The following ADAM22 variants were observed in gnomAD, a reference collection of about 807,000 sequenced individuals.
ADAM22 encodes the protein ADAM metallopeptidase domain 22.
In ADAM22, 65 loss-of-function variants were observed where a neutral mutation model predicts 144.6. That is an observed-to-expected ratio of 0.45 (90% CI 0.37 to 0.55). ADAM22 has a LOEUF of 0.55. Ranked by LOEUF, ADAM22 falls within the 20% of genes least tolerant of loss-of-function variation. ADAM22 has a pLI of 0.00. For missense variants in ADAM22, 974 were observed against 1,184.9 expected, an observed-to-expected ratio of 0.82 and a Z score of 2.61; for synonymous variants, 391 against 412.6, an observed-to-expected ratio of 0.95 and a Z score of 0.63.
intron 5 of ADAM22, among the ~76,000 whole-genome samples, chr7:88,111,418 A>G (rs779478561): frequency 2.6e-5 from 4 of 152,218 alleles, no homozygotes; most frequent in Non-Finnish European, 4.4e-5. Flanking sequence ...TAATATAAAT[A>G]AGGGAAAATC....
At chr7:87,985,332 AT>A (rs1788216267) in intron 3 of ADAM22, among the ~76,000 whole-genome samples, 1 of 151,886 alleles carries the variant, frequency 6.6e-6, no homozygotes, top group Non-Finnish European at 1.5e-5. Flanking sequence ...AAAAGAATTT[AT>A]TTTATATTTC....
At chr7:87,975,531 A>C (rs1851709366) in intron 2 of ADAM22, among the ~76,000 whole-genome samples, 1 of 152,218 alleles carries the variant, frequency 6.6e-6, no homozygotes, top group African/African-American at 2.4e-5. Flanking sequence ...ATTCTTACTA[A>C]GCAGTAGTTA....
chr7:88,145,774 C>A (rs1836220111), intron 17 of ADAM22, among the ~76,000 whole-genome samples: 1 of 152,120 alleles, frequency 6.6e-6, no homozygotes. Flanking sequence ...GAACTAGGGC[C>A]TGAACCCTGT....
At chr7:87,994,231 A>C (rs1790562053) in intron 3 of ADAM22, among the ~76,000 whole-genome samples, 1 of 148,898 alleles carries the variant, frequency 6.7e-6, no homozygotes, top group African/African-American at 2.5e-5. Flanking sequence ...GTGTGATCTC[A>C]GCTCACTGCA....
intron 3 of ADAM22, among the ~76,000 whole-genome samples, chr7:88,022,492 G>T (rs896740572): frequency 6.6e-6 from 1 of 152,064 alleles, no homozygotes; most frequent in African/African-American, 2.4e-5. Flanking sequence ...TGTTTCAATT[G>T]GATTTTACCA....
chr7:87,937,083 G>T (rs534837153), intron 2 of ADAM22, among the ~76,000 whole-genome samples: 1 of 152,230 alleles, frequency 6.6e-6, no homozygotes, highest in East Asian at 1.9e-4. Context: ...AGCTTCCTGA[G>T]TAGCTTGGAT....
At chr7:88,014,665 A>C (rs899406067) in intron 3 of ADAM22, among the ~76,000 whole-genome samples, 1 of 152,156 alleles carries the variant, frequency 6.6e-6, no homozygotes, top group African/African-American at 2.4e-5. Context: ...TAAAAAAGAA[A>C]AAAAAGTTAT....
rs1194403382 is a variant in ADAM22 at position 87,978,342 on chromosome 7, C to T, written c.253C>T (p.His85Tyr). The change falls in exon 3 of 32, where the codon CAT (histidine) becomes TAT (tyrosine). Residue 85 changes from histidine (H) to tyrosine (Y), a missense_variant. Around this residue, in one of 2 missense-constraint regions of ADAM22, gnomAD observed 240 missense variants for 234.3 expected, o/e 1.02. Transcript: ENST00000413139. ...RGDLGGPQLT[H>Y]VDQASFQVDA... The stretch of plus-strand genomic sequence containing the variant: ...TTTCTTTTTGATATTGTAGTTGACT[C>T]ATGTTGACCAAGCAAGCTTCCAGGT... 1 of 1,612,740 alleles carries T rather than the reference C, an allele frequency of 6.2e-7. No individual in the cohort carries two copies. Among genetic ancestry groups the T allele is most frequent in the Non-Finnish European group, 8.5e-7 (1 of 1,179,332 alleles).
chr7:87,958,666 G>A (rs145479015), intron 2 of ADAM22, among the ~76,000 whole-genome samples: 1 of 152,128 alleles, frequency 6.6e-6, no homozygotes, highest in Non-Finnish European at 1.5e-5. Flanking sequence ...TTACAGGGGT[G>A]AACCACCGTG....
At chr7:88,016,190 T>C (rs1278251013) in intron 3 of ADAM22, among the ~76,000 whole-genome samples, 1 of 152,210 alleles carries the variant, frequency 6.6e-6, no homozygotes, top group African/African-American at 2.4e-5. Flanking sequence ...TTCATGCAAA[T>C]TGAAGTTTGA....
chr7:88,088,296 C>T (rs4728731), intron 4 of ADAM22, among the ~76,000 whole-genome samples: 56,944 of 151,974 alleles, frequency 0.37, 11,874 homozygotes, highest in East Asian at 0.62. Context: ...TCACATCTGT[C>T]TTCCCTCCCT....
intron 29 of ADAM22, 197 bp from the exon 30 acceptor site, chr7:88,186,418 A>G (rs1020520972): frequency 1.1e-4 from 64 of 587,206 alleles, no homozygotes; most frequent in Middle Eastern, 5.3e-4. Context: ...GAATGCCTTG[A>G]TTGAGCCTTG....
chr7:88,130,329 T>C lies in ADAM22; in HGVS notation c.754-59T>C, dbSNP rs1486149192. 4.5e-6 allele frequency: 6 copies of C among 1,321,982 alleles called. No individual in the cohort carries two copies. The African/African-American group carries it at 7.4e-5, about 16-fold the overall frequency. The allele number at this position is 1,321,982 out of a possible 1,614,324, so 81.9% of individuals were successfully genotyped here. The stretch of plus-strand genomic sequence containing the variant: ...TTCAATTGCACCATGTTTTCTCTGA[T>C]GAGATGATTGTTTTCTGATCACTTT... On this transcript the variant is annotated intron_variant, in intron 9 of 31. Transcript: ENST00000413139.
At chr7:88,190,773 C>T (rs779520735) in intron 30 of ADAM22, among the ~76,000 whole-genome samples, 93 of 152,018 alleles carry the variant, frequency 6.1e-4, no homozygotes, top group Non-Finnish European at 1.1e-3. Flanking sequence ...AGTGTTTTAC[C>T]GTACCGTGTT....
At chr7:87,934,653 CG>C in intron 1 of ADAM22, 103 bp downstream of exon 1, 1 of 902,082 alleles carries the variant, frequency 1.1e-6, no homozygotes, top group Non-Finnish European at 1.5e-6. Context: ...CCCGAGTGCG[CG>C]GGGAGATTTT....
intron 5 of ADAM22, among the ~76,000 whole-genome samples, chr7:88,108,717 A>C (rs1197125917): frequency 1.4e-5 from 2 of 146,012 alleles, no homozygotes; most frequent in Non-Finnish European, 3.0e-5. Flanking sequence ...GGATAGAGCG[A>C]GACTCTGATT....
At chr7:87,949,919 G>A (rs1026355554) in intron 2 of ADAM22, among the ~76,000 whole-genome samples, 12 of 150,102 alleles carry the variant, frequency 8.0e-5, no homozygotes, top group Admixed American at 6.0e-4. Flanking sequence ...TGATTAATAT[G>A]TTAATATAAA....
intron 2 of ADAM22, among the ~76,000 whole-genome samples, chr7:87,941,854 G>A (rs1842542584): frequency 6.6e-6 from 1 of 152,114 alleles, no homozygotes. Context: ...GACTCTAAGA[G>A]CTTATAGGTT....
intron 3 of ADAM22, among the ~76,000 whole-genome samples, chr7:88,018,640 A>T (rs1797070896): frequency 6.6e-6 from 1 of 152,208 alleles, no homozygotes; most frequent in Non-Finnish European, 1.5e-5. Flanking sequence ...GAAAGAAACC[A>T]ATCTTTCCAA....
Sources: allele counts gnomAD v4.1 joint callset (sites outside exome capture counted in the v4.1 genomes callset), GRCh38; gene constraint gnomAD v4.1.1; regional missense constraint gnomAD v4.1.1; transcripts MANE v1.5; gene names NCBI Gene and HGNC (gene_info 2026-07-23, HGNC 2026-07-21).